The following DEAF1 variants were observed in gnomAD, a reference collection of about 807,000 sequenced individuals.
DEAF1 encodes deformed epidermal autoregulatory factor 1 homolog.
Under a neutral mutation model 58.9 loss-of-function variants are expected in DEAF1, and 53 were observed. That is an observed-to-expected ratio of 0.90 (90% confidence interval 0.72 to 1.13). The LOEUF is 1.13. Ranked by LOEUF, DEAF1 falls within the 50% of genes most tolerant of loss-of-function variation. DEAF1 has a pLI of 0.00. For synonymous variants in DEAF1, 385 were observed against 340.4 expected (o/e 1.13, Z -1.44); for missense variants, 685 against 791.4 (o/e 0.87, Z 1.61).
intron 5 of DEAF1, among the ~76,000 whole-genome samples, 186 bp downstream of exon 5, chr11:686,672 G>A (rs528630992): frequency 5.3e-5 from 8 of 152,260 alleles, no homozygotes; most frequent in South Asian, 2.1e-4. Flanking sequence ...TCATCCCCAC[G>A]TGAAAGACCC....
chr11:693,242 C>A (rs1334400534), intron 1 of DEAF1, among the ~76,000 whole-genome samples: 1 of 152,196 alleles, frequency 6.6e-6, no homozygotes, highest in Non-Finnish European at 1.5e-5. Flanking sequence ...GCAAAAATGA[C>A]AAAAACCTGA....
chr11:650,498 G>C (rs185962006), intron 11 of DEAF1, among the ~76,000 whole-genome samples: 1 of 150,556 alleles, frequency 6.6e-6, no homozygotes, highest in East Asian at 2.0e-4. Context: ...GAAGTAACAA[G>C]ATGTTTGTTT....
At chr11:666,886 AAAAAAAAAAAAG>A (rs1859556667) in intron 10 of DEAF1, among the ~76,000 whole-genome samples, 1 of 151,422 alleles carries the variant, frequency 6.6e-6, no homozygotes, top group African/African-American at 2.4e-5. Flanking sequence ...AAAAAAAAAA[AAAAAAAAAAAAG>A]AAAAAAAGAA....
At position 681,022 on chromosome 11, in the gene DEAF1, G is replaced by A; in HGVS notation, c.938C>T (p.Pro313Leu). The part of the protein sequence containing the change: ...RKKENELPTT[P>L]VKKDSPKNIT... Reference sequence around the variant, plus strand: ...GTTCTTGGGGGAGTCCTTCTTCACGGGAGTTGTGGGCAGTTCATTCTCCTT... The same window carrying A: ...GTTCTTGGGGGAGTCCTTCTTCACGAGAGTTGTGGGCAGTTCATTCTCCTT... The change falls in exon 7 of 12, where the codon CCC becomes CTC. Residue 313 changes from proline (P) to leucine (L), a missense_variant. Transcript: ENST00000382409. 1 of 1,614,150 alleles carries A rather than the reference G, an allele frequency of 6.2e-7. No individual in the cohort carries two copies. Among genetic ancestry groups the A allele is most frequent in the Non-Finnish European group, 8.5e-7 (1 of 1,180,026 alleles).
At chr11:702,866 A>T in intron 1 of DEAF1, 1 of 1,399,414 alleles carries the variant, frequency 7.1e-7, no homozygotes, top group South Asian at 1.4e-5. Context: ...TGGTCCCAGC[A>T]GCCCTCCAGG....
chr11:668,506 G>T (rs1346062391), intron 10 of DEAF1, among the ~76,000 whole-genome samples: 1 of 152,006 alleles, frequency 6.6e-6, no homozygotes, highest in African/African-American at 2.4e-5. Context: ...TCTACCCCTG[G>T]GCTCCAGTGA....
upstream of DEAF1, chr11:695,510 A>T (rs888224186): frequency 5.2e-5 from 50 of 963,118 alleles, no homozygotes; most frequent in African/African-American, 6.8e-4. Flanking sequence ...TGCCTCTCAG[A>T]GAGAGCTTAG....
intron 11 of DEAF1, among the ~76,000 whole-genome samples, chr11:649,428 A>C (rs549407965): frequency 6.7e-6 from 1 of 149,854 alleles, no homozygotes; most frequent in Admixed American, 6.6e-5. Flanking sequence ...CTTAAAAAAA[A>C]AAACAAAACA....
upstream of DEAF1, among the ~76,000 whole-genome samples, chr11:696,270 G>C (rs1257827457): frequency 6.6e-6 from 1 of 152,134 alleles, no homozygotes; most frequent in East Asian, 1.9e-4. Context: ...GGAAGGGACA[G>C]ACCAAAGCAG....
intron 1 of DEAF1, chr11:704,357 AGTCTTT>A: frequency 1.0e-6 from 1 of 981,186 alleles, no homozygotes; most frequent in Non-Finnish European, 1.4e-6. Flanking sequence ...GCACCTGGAC[AGTCTTT>A]CCTGCCTGTC....
intron 10 of DEAF1, among the ~76,000 whole-genome samples, chr11:662,925 G>C (rs1339919139): frequency 6.6e-6 from 1 of 152,178 alleles, no homozygotes; most frequent in African/African-American, 2.4e-5. Context: ...AACTGACCCT[G>C]CCGCACCCCC....
chr11:703,158 C>T (rs974453158), intron 1 of DEAF1: 1 of 1,598,726 alleles, frequency 6.3e-7, no homozygotes, highest in Middle Eastern at 1.7e-4. Context: ...TAGCTACGGA[C>T]ACCCGGGATA....
At chr11:690,437 C>T (rs1313257161) in intron 2 of DEAF1, among the ~76,000 whole-genome samples, 2 of 151,512 alleles carry the variant, frequency 1.3e-5, no homozygotes, top group Non-Finnish European at 2.9e-5. Context: ...CTGTTTGCTG[C>T]CATTCTAACA....
intron 11 of DEAF1, among the ~76,000 whole-genome samples, chr11:648,284 T>C (rs1283421891): frequency 6.8e-6 from 1 of 146,410 alleles, no homozygotes; most frequent in African/African-American, 2.6e-5. Context: ...AAGCTCCGCC[T>C]CCCGGGTTCA....
chr11:681,535 C>A (rs951720722), intron 6 of DEAF1, among the ~76,000 whole-genome samples: 4 of 151,842 alleles, frequency 2.6e-5, no homozygotes, highest in African/African-American at 9.7e-5. Context: ...CTCAACCTCC[C>A]GAGTAGCTGG....
intron 1 of DEAF1, chr11:704,273 C>T (rs1177289140): frequency 6.9e-6 from 5 of 726,454 alleles, no homozygotes; most frequent in African/African-American, 1.9e-5. Flanking sequence ...TCGGTGGACT[C>T]CTGAGGGCAG....
At chr11:687,496 G>A (rs1406557789) in intron 4 of DEAF1, among the ~76,000 whole-genome samples, 1 of 152,160 alleles carries the variant, frequency 6.6e-6, no homozygotes, top group Non-Finnish European at 1.5e-5. Context: ...TTTTTTTGTT[G>A]TCGTTGTTGT....
At chr11:663,636 T>C (rs1363059792) in intron 10 of DEAF1, among the ~76,000 whole-genome samples, 1 of 151,280 alleles carries the variant, frequency 6.6e-6, no homozygotes, top group Admixed American at 6.6e-5. Context: ...CGACTGCCTC[T>C]GGACTGATAA....
chr11:659,158 G>A (rs918842025), intron 10 of DEAF1, among the ~76,000 whole-genome samples: 2 of 151,530 alleles, frequency 1.3e-5, no homozygotes, highest in African/African-American at 4.9e-5. Flanking sequence ...TTGGGAGGCC[G>A]AGGCGGGAGC....
Sources: allele counts gnomAD v4.1 joint callset (sites outside exome capture counted in the v4.1 genomes callset), GRCh38; gene constraint gnomAD v4.1.1; transcripts MANE v1.5; gene names NCBI Gene and HGNC (gene_info 2026-07-23, HGNC 2026-07-21).